Variants in KLHL3 observed in about 807,000 individuals in gnomAD.
KLHL3 encodes kelch-like protein 3.
In KLHL3, 19 loss-of-function variants were observed where a neutral mutation model predicts 70.5. The observed-to-expected ratio is 0.27, with a 90% confidence interval of 0.19 to 0.40. The LOEUF is 0.40. Ranked by LOEUF, KLHL3 falls within the 10% of genes least tolerant of loss-of-function variation. The pLI is 1.00. For missense variants in KLHL3, 512 were observed against 771.1 expected (o/e 0.66, Z 3.98); for synonymous variants, 258 against 290.3 (o/e 0.89, Z 1.13).
chr5:137,669,527 T>C (rs776489817), intron 6 of KLHL3, among the ~76,000 whole-genome samples: 1 of 152,230 alleles, frequency 6.6e-6, no homozygotes, highest in South Asian at 2.1e-4. Flanking sequence ...GAAATTGTTC[T>C]TCAGCTTTCT....
At chr5:137,631,069 C>CAAAAAA (rs70979549) in intron 12 of KLHL3, among the ~76,000 whole-genome samples, 13 of 105,768 alleles carry the variant, frequency 1.2e-4, no homozygotes, top group East Asian at 2.7e-4. Context: ...TCCAAAAATA[C>CAAAAAA]AAAAAAAAAA....
chr5:137,634,790 C>T (rs1454633811), intron 11 of KLHL3, among the ~76,000 whole-genome samples: 1 of 152,126 alleles, frequency 6.6e-6, no homozygotes, highest in African/African-American at 2.4e-5. Flanking sequence ...GAGGTGCCGT[C>T]ATTTACTTTT....
chr5:137,634,196 C>G, intron 11 of KLHL3, 31 bp from the exon 12 acceptor site: 1 of 1,574,322 alleles, frequency 6.4e-7, no homozygotes, highest in Non-Finnish European at 8.6e-7. Context: ...GAGTGTGGTG[C>G]CAGGGATACT....
intron 8 of KLHL3, among the ~76,000 whole-genome samples, chr5:137,647,018 G>A (rs1341924759): frequency 6.6e-6 from 1 of 152,116 alleles, no homozygotes; most frequent in Non-Finnish European, 1.5e-5. Context: ...CAGAAGTTCT[G>A]GTGAATGGAG....
chr5:137,708,857 G>T (rs1206292390), intron 3 of KLHL3, among the ~76,000 whole-genome samples: 2 of 152,178 alleles, frequency 1.3e-5, no homozygotes, highest in African/African-American at 4.8e-5. Context: ...AGACAAGAAT[G>T]CAGGGTGACA....
intron 7 of KLHL3, among the ~76,000 whole-genome samples, chr5:137,660,172 T>C (rs1489978838): frequency 6.6e-6 from 1 of 152,218 alleles, no homozygotes; most frequent in Non-Finnish European, 1.5e-5. Context: ...ACAGTTCTCA[T>C]GCCCATTGCC....
chr5:137,715,007 T>C (rs1207786445), intron 2 of KLHL3, among the ~76,000 whole-genome samples: 2 of 152,208 alleles, frequency 1.3e-5, no homozygotes, highest in African/African-American at 4.8e-5. Context: ...CTCTGCCCCT[T>C]CTTTTCAGGC....
chr5:137,691,509 T>C (rs1395306692), intron 5 of KLHL3, among the ~76,000 whole-genome samples: 2 of 152,252 alleles, frequency 1.3e-5, no homozygotes, highest in Non-Finnish European at 2.9e-5. Context: ...ACCTGCATTT[T>C]AATTCCTTAA....
intron 3 of KLHL3, among the ~76,000 whole-genome samples, chr5:137,707,268 A>G (rs561351038): frequency 3.9e-5 from 6 of 152,204 alleles, no homozygotes; most frequent in African/African-American, 7.2e-5. Flanking sequence ...CCCACTCTCT[A>G]CTAAAAATAC....
At chr5:137,697,435 A>AT (rs1398000907) in intron 4 of KLHL3, among the ~76,000 whole-genome samples, 2 of 152,164 alleles carry the variant, frequency 1.3e-5, no homozygotes, top group African/African-American at 4.8e-5. Context: ...AAGCGCTGGG[A>AT]TTATAGGTGT....
intron 5 of KLHL3, among the ~76,000 whole-genome samples, chr5:137,683,434 C>T (rs2149911275): frequency 6.6e-6 from 1 of 152,228 alleles, no homozygotes; most frequent in African/African-American, 2.4e-5. Context: ...AAAACAAAAC[C>T]ACAGAACTGC....
chr5:137,725,301 T>A (rs1283228173), intron 1 of KLHL3, among the ~76,000 whole-genome samples: 1 of 152,054 alleles, frequency 6.6e-6, no homozygotes, highest in African/African-American at 2.4e-5. Context: ...GCACACAAAT[T>A]TTCCAGGCAG....
At chr5:137,653,588 T>A (rs1028796145) in intron 8 of KLHL3, among the ~76,000 whole-genome samples, 3 of 152,196 alleles carry the variant, frequency 2.0e-5, no homozygotes, top group African/African-American at 7.2e-5. Flanking sequence ...CTACAATTTT[T>A]AAAAATAGAT....
At chr5:137,683,926 C>CAG (rs1752099050) in intron 5 of KLHL3, among the ~76,000 whole-genome samples, 1 of 152,168 alleles carries the variant, frequency 6.6e-6, no homozygotes, top group Non-Finnish European at 1.5e-5. Flanking sequence ...TAACAAAGAG[C>CAG]AAGCAACGAA....
intron 1 of KLHL3, among the ~76,000 whole-genome samples, chr5:137,734,384 C>T (rs1318867662): frequency 6.6e-6 from 1 of 152,172 alleles, no homozygotes; most frequent in Non-Finnish European, 1.5e-5. Context: ...AAAGAGAATG[C>T]ACCAGCAGCA....
intron 11 of KLHL3, among the ~76,000 whole-genome samples, chr5:137,634,706 T>A (rs566481712): frequency 6.6e-6 from 1 of 152,318 alleles, no homozygotes; most frequent in East Asian, 1.9e-4. Flanking sequence ...GTGTTCTTTG[T>A]ACATTGTGGG....
chr5:137,733,945 T>C (rs1025188054), intron 1 of KLHL3, among the ~76,000 whole-genome samples: 2 of 152,234 alleles, frequency 1.3e-5, no homozygotes, highest in African/African-American at 4.8e-5. Flanking sequence ...TCGGTTTGGA[T>C]TTCTTGTCTA....
Position 137,621,478 on chromosome 5 carries a change from G to C in KLHL3, c.*620C>G, listed in dbSNP as rs1000033644. The stretch of plus-strand genomic sequence containing the variant: ...TCTAGCACACAGAGGACACGGTGCA[G>C]CTTCGAGAATTTTCCAGCTCTTCTG... On this transcript the variant is annotated 3_prime_UTR_variant, in exon 15 of 15. Coordinates refer to ENST00000309755, the MANE Select transcript of KLHL3 (RefSeq NM_017415.3). 6.6e-6 allele frequency: 1 copy of C among 152,566 alleles called. No individual in the cohort carries two copies. The highest frequency in any genetic ancestry group is 6.5e-5 in the Admixed American group (1 of 15,294). 9.5% of individuals were successfully genotyped at this position (152,566 alleles called of 1,614,324 possible). A position where few individuals can be genotyped will look rare whatever the true frequency, so the allele number is the denominator to read the frequency against.
intron 2 of KLHL3, 111 bp from the exon 3 acceptor site, chr5:137,709,967 C>T: frequency 1.2e-6 from 1 of 812,320 alleles, no homozygotes; most frequent in South Asian, 1.5e-5. Flanking sequence ...CTATACAAAG[C>T]TGTCACAGGG....
Sources: gnomAD v4.1 joint callset for allele counts (sites outside exome capture counted in the v4.1 genomes callset) on GRCh38, gnomAD v4.1.1 for gene constraint, MANE v1.5 for transcripts, NCBI Gene and HGNC (gene_info 2026-07-23, HGNC 2026-07-21) for gene names.